Variants in RXRA observed in about 807,000 individuals in gnomAD.
RXRA encodes retinoid X receptor alpha, also known as retinoic acid receptor RXR-alpha.
A neutral mutation model predicts 44.5 loss-of-function variants in RXRA; 5 were observed. That is an observed-to-expected ratio of 0.11 (90% confidence interval 0.06 to 0.24). The LOEUF (loss-of-function observed/expected upper bound fraction) is 0.24, where lower values mean the gene tolerates loss of function less well. Ranked by LOEUF, RXRA falls within the 10% of genes least tolerant of loss-of-function variation. The probability of loss-of-function intolerance (pLI) is 1.00; values close to 1 mark genes in which losing one functional copy is unlikely to be tolerated. For missense variants in RXRA, 412 were observed against 646.5 expected, an observed-to-expected ratio of 0.64 and a Z score of 3.93; for synonymous variants, 291 against 271.4, an observed-to-expected ratio of 1.07 and a Z score of -0.71.
At position 134,401,763 on chromosome 9, in the gene RXRA, C is replaced by T. The variant is rs1488600818; in HGVS notation, c.160C>T (p.Leu54=). Residue 54 remains leucine, a synonymous_variant, in exon 2 of 10, where the codon CTG becomes TTG. Coordinates refer to ENST00000481739, the MANE Select transcript of RXRA (RefSeq NM_002957.6). ...ACAGCTGCATTCTCCCATCAGCACCCTGAGCTCCCCCATCAACGGCATGGG... is the reference window on the plus strand; with the variant it reads ...ACAGCTGCATTCTCCCATCAGCACCTTGAGCTCCCCCATCAACGGCATGGG... ...PGQLHSPIST[L]SSPINGMGPP... The T allele has an allele frequency of 6.2e-7, 1 of 1,613,278 alleles. No individual in the cohort carries two copies. Among genetic ancestry groups the T allele is most frequent in the South Asian group, 1.1e-5 (1 of 91,084 alleles).
At chr9:134,339,244 C>A (rs986810039) in intron 1 of RXRA, among the ~76,000 whole-genome samples, 1 of 152,260 alleles carries the variant, frequency 6.6e-6, no homozygotes, top group Admixed American at 6.5e-5. Context: ...TGGCGCCTCC[C>A]GCGCTGTTCC....
chr9:134,427,170 C>CAA (rs530330321), intron 6 of RXRA: 450 of 807,126 alleles, frequency 5.6e-4, no homozygotes, highest in South Asian at 6.7e-4. Context: ...TGGGCAAAAA[C>CAA]AAAAAAAAAA....
chr9:134,330,120 G>A (rs1305152949), intron 1 of RXRA, among the ~76,000 whole-genome samples: 4 of 152,142 alleles, frequency 2.6e-5, no homozygotes, highest in South Asian at 2.1e-4. Flanking sequence ...GACCTCGAGT[G>A]GTGAGCAATG....
chr9:134,375,547 T>C (rs1830545380), intron 1 of RXRA, among the ~76,000 whole-genome samples: 1 of 152,052 alleles, frequency 6.6e-6, no homozygotes, highest in Non-Finnish European at 1.5e-5. Flanking sequence ...CCGGAGACTG[T>C]GTGTGGATGA....
intron 4 of RXRA, among the ~76,000 whole-genome samples, chr9:134,414,892 G>A (rs868312937): frequency 4.5e-4 from 69 of 152,142 alleles, no homozygotes; most frequent in African/African-American, 1.4e-3. Flanking sequence ...ATGGAGGGTC[G>A]TGTCAGTAGT....
chr9:134,419,711 G>A (rs1335120585), intron 5 of RXRA, among the ~76,000 whole-genome samples: 1 of 152,202 alleles, frequency 6.6e-6, no homozygotes. Context: ...ATCTCCAGGC[G>A]AGAATGGGAG....
intron 7 of RXRA, among the ~76,000 whole-genome samples, chr9:134,431,435 AG>A (rs35307335): frequency 0.011 from 1,658 of 152,262 alleles, 28 homozygotes; most frequent in African/African-American, 0.038. Context: ...CCCTGGGGAA[AG>A]GTATCTTCCT....
intron 1 of RXRA, among the ~76,000 whole-genome samples, chr9:134,329,641 G>T (rs958922269): frequency 3.9e-5 from 6 of 152,118 alleles, no homozygotes; most frequent in Non-Finnish European, 7.4e-5. Context: ...CGGCAGCCCT[G>T]GTCACGCGGG....
At position 134,365,110 on chromosome 9, in the gene RXRA, G is replaced by A. The variant is rs995217445; in HGVS notation, c.29-36522G>A. 6.6e-6 allele frequency among the ~76,000 whole-genome samples: 1 copy of A among 152,232 alleles called. No homozygotes were observed. Among genetic ancestry groups the A allele is most frequent in the Non-Finnish European group, 1.5e-5 (1 of 68,036 alleles). On this transcript the variant is annotated intron_variant, in intron 1 of 9. Transcript: ENST00000481739. The surrounding 1 kb of genome is among the most constrained non-coding windows in gnomAD (Gnocchi z 4.0). ...GGGTCTGGTGCTGGCAGGAGGGGGC[G>A]GGGTGAGCCAATGGCTCCGGGGCCA...
intron 1 of RXRA, among the ~76,000 whole-genome samples, chr9:134,357,756 CG>C (rs1564268305): frequency 6.6e-6 from 1 of 152,228 alleles, no homozygotes; most frequent in Non-Finnish European, 1.5e-5. Context: ...TGGCCACCCT[CG>C]GGGCAGAGCA....
chr9:134,412,852 T>C (rs1245268051), intron 4 of RXRA, among the ~76,000 whole-genome samples: 2 of 152,212 alleles, frequency 1.3e-5, no homozygotes, highest in African/African-American at 4.8e-5. Flanking sequence ...GGGCAGTGGC[T>C]GTCCCCCATT....
chr9:134,411,373 G>A (rs567538565), intron 4 of RXRA, among the ~76,000 whole-genome samples: 1 of 152,292 alleles, frequency 6.6e-6, no homozygotes, highest in South Asian at 2.1e-4. Flanking sequence ...GGTGCCCATC[G>A]GTGACTGGGT....
intron 1 of RXRA, among the ~76,000 whole-genome samples, chr9:134,331,719 G>A (rs1027975811): frequency 6.6e-6 from 1 of 152,254 alleles, no homozygotes; most frequent in Non-Finnish European, 1.5e-5. Flanking sequence ...AGTGGATGGG[G>A]ACACTGAACC....
chr9:134,387,222 T>C (rs1016115739), intron 1 of RXRA, among the ~76,000 whole-genome samples: 3 of 152,258 alleles, frequency 2.0e-5, no homozygotes, highest in Admixed American at 1.3e-4. Flanking sequence ...CGGCCCTGGC[T>C]CATGTCCCGT....
chr9:134,414,287 C>T (rs1026806821), intron 4 of RXRA, among the ~76,000 whole-genome samples: 4 of 152,280 alleles, frequency 2.6e-5, no homozygotes, highest in African/African-American at 7.2e-5. Context: ...CAAGGCCCCT[C>T]GCTCAGGGCC....
intron 1 of RXRA, among the ~76,000 whole-genome samples, chr9:134,329,324 C>T (rs7041005): frequency 0.046 from 7,033 of 152,338 alleles, 518 homozygotes; most frequent in African/African-American, 0.16. Flanking sequence ...CTTGGAGTCC[C>T]GCTCGGGCCT....
At chr9:134,351,283 C>T (rs942114399) in intron 1 of RXRA, among the ~76,000 whole-genome samples, 1 of 152,222 alleles carries the variant, frequency 6.6e-6, no homozygotes, top group Admixed American at 6.5e-5. Flanking sequence ...TGGGCTGCAG[C>T]GTCCTCCTCA....
chr9:134,388,286 T>TGTGTGTGTGTGTGTGTGTGTGTGTGA lies in RXRA; in HGVS notation c.29-13339_29-13338insTGTGTGTGTGTGTGTGTGAGTGTGTG, dbSNP rs71381810. Among the ~76,000 whole-genome samples the TGTGTGTGTGTGTGTGTGTGTGTGTGA allele has an allele frequency of 7.5e-3, 1,125 of 150,996 alleles. 11 individuals are homozygous for TGTGTGTGTGTGTGTGTGTGTGTGTGA. Among genetic ancestry groups the TGTGTGTGTGTGTGTGTGTGTGTGTGA allele is most frequent in the African/African-American group, 0.024 (986 of 41,110 alleles). On this transcript the variant is annotated intron_variant, in intron 1 of 9. Coordinates refer to ENST00000481739, the MANE Select transcript of RXRA (RefSeq NM_002957.6). ...TTGGTGTTCTCAGCTAGAAGCAGTG[T>TGTGTGTGTGTGTGTGTGTGTGTGTGA]GTGTGTGAGTGTGTATGTGCATTTG...
chr9:134,436,388 A>G, intron 9 of RXRA, 79 bp from the exon 10 acceptor site: 1 of 1,451,890 alleles, frequency 6.9e-7, no homozygotes, highest in Non-Finnish European at 9.5e-7. Flanking sequence ...ACACAGCCCC[A>G]TCCCCAGGGA....
Sources: gnomAD v4.1 joint callset for allele counts (sites outside exome capture counted in the v4.1 genomes callset) on GRCh38, gnomAD v4.1.1 for gene constraint, Gnocchi (gnomAD v3.1) non-coding constraint, MANE v1.5 for transcripts, NCBI Gene and HGNC (gene_info 2026-07-23, HGNC 2026-07-21) for gene names.